The following ZNF547 variants were observed in gnomAD, a reference collection of about 807,000 sequenced individuals.
ZNF547 encodes zinc finger protein 547.
ZNF547 carries 4 observed loss-of-function variants against 7.7 expected under a neutral mutation model. That is an observed-to-expected ratio of 0.52 (90% CI 0.26 to 1.20). The LOEUF is 1.20. Ranked by LOEUF, ZNF547 falls within the 50% of genes most tolerant of loss-of-function variation. The pLI, the probability that ZNF547 is intolerant of heterozygous loss-of-function variation, is 0.14. For synonymous variants in ZNF547, 166 were observed against 166.2 expected (o/e 1.00, Z 0.01); for missense variants, 449 against 485.8 (o/e 0.92, Z 0.71).
chr19:57,373,478 A>G (rs549881288), intron 3 of ZNF547, among the ~76,000 whole-genome samples: 2 of 149,990 alleles, frequency 1.3e-5, no homozygotes, highest in African/African-American at 4.9e-5. Context: ...TTCAACACCA[A>G]TCATGCCTTC....
chr19:57,378,259 A>G lies in ZNF547; in HGVS notation c.*74A>G. On this transcript the variant is annotated 3_prime_UTR_variant, in exon 4 of 4. Transcript: ENST00000282282. Reference sequence around the variant, plus strand: ...ATTGTGGCTGGACAGCAGGCAGTACACACTGGAGAAAGACTGAATGCCGTG... The same window carrying G: ...ATTGTGGCTGGACAGCAGGCAGTACGCACTGGAGAAAGACTGAATGCCGTG... 1 of 1,362,732 alleles carries G rather than the reference A, an allele frequency of 7.3e-7. No individual in the cohort carries two copies. Among genetic ancestry groups the G allele is most frequent in the Non-Finnish European group, 1.0e-6 (1 of 983,786 alleles). 84.4% of individuals were successfully genotyped at this position (1,362,732 alleles called of 1,614,324 possible). A position where few individuals can be genotyped will look rare whatever the true frequency, so the allele number is the denominator to read the frequency against.
At chr19:57,367,190 A>T (rs1486194749) in intron 1 of ZNF547, among the ~76,000 whole-genome samples, 2 of 152,198 alleles carry the variant, frequency 1.3e-5, no homozygotes, top group Non-Finnish European at 2.9e-5. Context: ...TAGGCAATAC[A>T]CCAGAGGGGG....
At chr19:57,371,678 C>T in intron 2 of ZNF547, 104 bp from the exon 3 acceptor site, 1 of 1,484,130 alleles carries the variant, frequency 6.7e-7, no homozygotes, top group South Asian at 1.4e-5. Context: ...GTTAGTTTGT[C>T]CCTGTGTTTA....
intron 1 of ZNF547, among the ~76,000 whole-genome samples, chr19:57,366,518 G>A (rs944774836): frequency 1.3e-5 from 2 of 148,816 alleles, no homozygotes; most frequent in Non-Finnish European, 3.0e-5. Flanking sequence ...CTGGGAATAA[G>A]CTTTCGACTT....
Position 57,378,452 on chromosome 19 carries a change from G to C in ZNF547, c.*267G>C. On this transcript the variant is annotated 3_prime_UTR_variant, in exon 4 of 4. Transcript: ENST00000282282. ...AAGAGTCTTTTCAATAAAGTAGAAAGTGGTAAAGATTCAACATGCAAGATT... is the reference window on the plus strand; with the variant it reads ...AAGAGTCTTTTCAATAAAGTAGAAACTGGTAAAGATTCAACATGCAAGATT... 2 of 630,740 alleles carry C rather than the reference G, an allele frequency of 3.2e-6. No individual in the cohort carries two copies. Among genetic ancestry groups the C allele is most frequent in the South Asian group, 3.0e-5 (2 of 66,888 alleles). 39.1% of individuals were successfully genotyped at this position (630,740 alleles called of 1,614,324 possible). A position where few individuals can be genotyped will look rare whatever the true frequency, so the allele number is the denominator to read the frequency against.
At chr19:57,369,943 A>G (rs2088494790) in intron 2 of ZNF547, among the ~76,000 whole-genome samples, 1 of 105,448 alleles carries the variant, frequency 9.5e-6, no homozygotes, top group South Asian at 3.4e-4. Context: ...CCCAGGCTGG[A>G]GTGCAGTGGC....
At chr19:57,375,956 AG>A (rs2088533524) in intron 3 of ZNF547, among the ~76,000 whole-genome samples, 1 of 152,008 alleles carries the variant, frequency 6.6e-6, no homozygotes, top group Non-Finnish European at 1.5e-5. Flanking sequence ...TGAGGTCAGG[AG>A]TTTGAGACCA....
chr19:57,371,605 A>G (rs2088504626), intron 2 of ZNF547, 177 bp from the exon 3 acceptor site: 1 of 957,420 alleles, frequency 1.0e-6, no homozygotes, highest in Non-Finnish European at 1.5e-6. Context: ...TGAGAAAGTT[A>G]GAGATGGAGA....
intron 1 of ZNF547, among the ~76,000 whole-genome samples, chr19:57,365,508 TC>T (rs2088461129): frequency 2.0e-5 from 3 of 151,412 alleles, no homozygotes; most frequent in South Asian, 4.2e-4. Context: ...TTAATTTCTT[TC>T]TTTTTTTTTT....
chr19:57,364,841 G>A, intron 1 of ZNF547: 1 of 1,606,732 alleles, frequency 6.2e-7, no homozygotes, highest in Admixed American at 1.7e-5. Flanking sequence ...ACCATGTCTG[G>A]AAGCTTCTAC....
At chr19:57,371,418 G>A (rs2088503618) in intron 2 of ZNF547, among the ~76,000 whole-genome samples, 2 of 152,234 alleles carry the variant, frequency 1.3e-5, no homozygotes, top group Non-Finnish European at 2.9e-5. Flanking sequence ...ATTGGAGTGA[G>A]TTTAGTTTAG....
At chr19:57,373,312 C>CA (rs1218051455) in intron 3 of ZNF547, among the ~76,000 whole-genome samples, 1 of 152,138 alleles carries the variant, frequency 6.6e-6, no homozygotes, top group Non-Finnish European at 1.5e-5. Flanking sequence ...ATGGGGGAAA[C>CA]TGTTCCCATG....
intron 2 of ZNF547, chr19:57,371,513 C>G: frequency 2.7e-6 from 1 of 369,322 alleles, no homozygotes; most frequent in Non-Finnish European, 4.8e-6. Flanking sequence ...AATTCCAGGA[C>G]ACCTGGGCTA....
At position 57,378,069 on chromosome 19, in the gene ZNF547, T is replaced by G. The variant is rs369741772; in HGVS notation, c.1093T>G (p.Ser365Ala). The change falls in exon 4 of 4, where the codon TCC (serine) becomes GCC (alanine). Residue 365 changes from serine (S) to alanine (A), a missense_variant. Coordinates refer to ENST00000282282, the MANE Select transcript of ZNF547 (RefSeq NM_173631.4). ...SECGKAFLTK[S>A]HLICHQTVHT... Reference sequence around the variant, plus strand: ...GTGTGGGAAGGCCTTCCTTACAAAGTCCCACCTCATTTGTCATCAGACAGT... The same window carrying G: ...GTGTGGGAAGGCCTTCCTTACAAAGGCCCACCTCATTTGTCATCAGACAGT... 8.1e-6 allele frequency: 13 copies of G among 1,613,786 alleles called. No individual in the cohort carries two copies. The highest frequency in any genetic ancestry group is 1.1e-5 in the Non-Finnish European group (13 of 1,179,988).
At chr19:57,371,725 C>T in intron 2 of ZNF547, 57 bp from the exon 3 acceptor site, 1 of 1,558,610 alleles carries the variant, frequency 6.4e-7, no homozygotes, top group Non-Finnish European at 8.7e-7. Context: ...AAATAGAGAA[C>T]TTAAGTAAAT....
intron 1 of ZNF547, chr19:57,364,444 TCAAAA>T: frequency 9.8e-6 from 2 of 204,440 alleles, no homozygotes; most frequent in Middle Eastern, 2.1e-3. Context: ...TGTAGATTCT[TCAAAA>T]GAATAGAGGG....
rs201929561 is a variant in ZNF547 at position 57,368,525 on chromosome 19, G to C, written c.-12-19G>C. On this transcript the variant is annotated intron_variant, in intron 1 of 3. Coordinates refer to ENST00000282282, the MANE Select transcript of ZNF547 (RefSeq NM_173631.4). ...CTTCCCATCGTTGCCCATTTCTCAC[G>C]GTTTCCCTCTTCCTTCAGGGTCCCC... The C allele has an allele frequency of 6.2e-7, 1 of 1,613,906 alleles. No individual in the cohort carries two copies. The highest frequency in any genetic ancestry group is 2.2e-5 in the East Asian group (1 of 44,878).
rs1371273601 is a variant in ZNF547 at position 57,378,273 on chromosome 19, C to A, written c.*88C>A. 1 of 1,234,010 alleles carries A rather than the reference C, an allele frequency of 8.1e-7. No homozygotes were observed. Among genetic ancestry groups the A allele is most frequent in the African/African-American group, 1.5e-5 (1 of 67,056 alleles). 76.4% of individuals were successfully genotyped at this position (1,234,010 alleles called of 1,614,324 possible). ...GCAGGCAGTACACACTGGAGAAAGA[C>A]TGAATGCCGTGAACGTGGGTAATTA... On this transcript the variant is annotated 3_prime_UTR_variant, in exon 4 of 4. Coordinates refer to ENST00000282282, the MANE Select transcript of ZNF547 (RefSeq NM_173631.4).
chr19:57,364,832 C>A, intron 1 of ZNF547: 1 of 1,603,040 alleles, frequency 6.2e-7, no homozygotes, highest in Non-Finnish European at 8.5e-7. Context: ...ATATTGAAGA[C>A]CATGTCTGGA....
Sources: gnomAD v4.1 joint callset for allele counts (sites outside exome capture counted in the v4.1 genomes callset) on GRCh38, gnomAD v4.1.1 for gene constraint, MANE v1.5 for transcripts, NCBI Gene and HGNC (gene_info 2026-07-23, HGNC 2026-07-21) for gene names.